Variants in NCOA3 observed in about 807,000 individuals in gnomAD.
NCOA3 encodes the protein nuclear receptor coactivator 3.
In NCOA3, 51 loss-of-function variants were observed where a neutral mutation model predicts 158.8. That is an observed-to-expected ratio of 0.32 (90% CI 0.26 to 0.41). NCOA3 has a LOEUF of 0.41. Ranked by LOEUF, NCOA3 falls within the 10% of genes least tolerant of loss-of-function variation. The probability of loss-of-function intolerance (pLI) is 1.00; values close to 1 mark genes in which losing one functional copy is unlikely to be tolerated. For synonymous variants in NCOA3, 537 were observed against 592.4 expected (o/e 0.91, Z 1.36); for missense variants, 1,510 against 1,746.6 (o/e 0.86, Z 2.41).
At chr20:47,604,294 T>C (rs1177645205) in intron 2 of NCOA3, among the ~76,000 whole-genome samples, 1 of 152,182 alleles carries the variant, frequency 6.6e-6, no homozygotes, top group African/African-American at 2.4e-5. Flanking sequence ...GAGATGTAAA[T>C]TTGGTAAGGT....
At chr20:47,518,726 A>G (rs1209021902) in intron 1 of NCOA3, among the ~76,000 whole-genome samples, 2 of 151,880 alleles carry the variant, frequency 1.3e-5, no homozygotes, top group Admixed American at 1.3e-4. Flanking sequence ...TGCCTGGCCA[A>G]TAGAGGATTT....
chr20:47,571,131 A>G (rs1388906440), intron 1 of NCOA3, among the ~76,000 whole-genome samples: 1 of 150,346 alleles, frequency 6.7e-6, no homozygotes, highest in African/African-American at 2.5e-5. Context: ...CAGTCTCCCA[A>G]GTAGCTGGGA....
At chr20:47,515,770 G>A (rs1200103935) in intron 1 of NCOA3, among the ~76,000 whole-genome samples, 1 of 152,138 alleles carries the variant, frequency 6.6e-6, no homozygotes, top group Non-Finnish European at 1.5e-5. Context: ...GTGAGCCACT[G>A]CCCTCAGCCT....
chr20:47,502,479 C>G (rs2083951546), intron 1 of NCOA3, among the ~76,000 whole-genome samples: 1 of 152,166 alleles, frequency 6.6e-6, no homozygotes, highest in Admixed American at 6.5e-5. Flanking sequence ...CCCCCCCACC[C>G]CAGCCTCCCA....
At chr20:47,618,207 C>T (rs910256004) in intron 2 of NCOA3, among the ~76,000 whole-genome samples, 5 of 152,148 alleles carry the variant, frequency 3.3e-5, no homozygotes, top group Non-Finnish European at 5.9e-5. Flanking sequence ...TGCACTCCAG[C>T]CTGGGTGACA....
intron 2 of NCOA3, among the ~76,000 whole-genome samples, chr20:47,619,850 C>T (rs1024227823): frequency 2.6e-5 from 4 of 151,988 alleles, no homozygotes; most frequent in African/African-American, 9.7e-5. Context: ...GCCTGGAGTG[C>T]AGTGGCGGGA....
At chr20:47,524,979 A>C (rs1441030567) in intron 1 of NCOA3, among the ~76,000 whole-genome samples, 2 of 147,746 alleles carry the variant, frequency 1.4e-5, no homozygotes. Flanking sequence ...TGTTTCTCGC[A>C]GAGGGGGATT....
chr20:47,592,269 T>C (rs964735088), intron 2 of NCOA3, among the ~76,000 whole-genome samples: 1 of 152,174 alleles, frequency 6.6e-6, no homozygotes, highest in East Asian at 1.9e-4. Context: ...GGTCTTGAAC[T>C]CCTGACCTCA....
At chr20:47,621,116 T>G (rs2086233344) in intron 2 of NCOA3, among the ~76,000 whole-genome samples, 1 of 152,218 alleles carries the variant, frequency 6.6e-6, no homozygotes, top group African/African-American at 2.4e-5. Flanking sequence ...CCTTTCCATT[T>G]TACAACCAAA....
At chr20:47,651,569 A>C (rs1404313897) in intron 20 of NCOA3, among the ~76,000 whole-genome samples, 1 of 152,202 alleles carries the variant, frequency 6.6e-6, no homozygotes, top group Non-Finnish European at 1.5e-5. Context: ...TGTATGTTCC[A>C]GTATAGTAGA....
intron 2 of NCOA3, among the ~76,000 whole-genome samples, chr20:47,607,805 C>T (rs1173440546): frequency 6.6e-6 from 1 of 152,082 alleles, no homozygotes; most frequent in Admixed American, 6.5e-5. Context: ...CTTCCTTTTA[C>T]AAGTACATGT....
chr20:47,546,387 GT>G (rs1471635419), intron 1 of NCOA3, among the ~76,000 whole-genome samples: 1 of 152,028 alleles, frequency 6.6e-6, no homozygotes, highest in Non-Finnish European at 1.5e-5. Context: ...TGTTAGTAAC[GT>G]AACAGCTGGA....
chr20:47,582,917 C>T (rs2085476835), intron 1 of NCOA3, among the ~76,000 whole-genome samples: 1 of 152,200 alleles, frequency 6.6e-6, no homozygotes, highest in Non-Finnish European at 1.5e-5. Context: ...GCTTCAACCT[C>T]CTGAGTAGTT....
chr20:47,507,331 C>T (rs913999571), intron 1 of NCOA3, among the ~76,000 whole-genome samples: 35 of 152,126 alleles, frequency 2.3e-4, no homozygotes, highest in African/African-American at 7.5e-4. Flanking sequence ...AACCTTCCAT[C>T]TTTAATGCTT....
chr20:47,537,318 G>A (rs1416764547), intron 1 of NCOA3, among the ~76,000 whole-genome samples: 1 of 151,068 alleles, frequency 6.6e-6, no homozygotes, highest in Non-Finnish European at 1.5e-5. Context: ...TATCAGAGAA[G>A]TAAATTGAGT....
chr20:47,614,264 C>A (rs2086095859), intron 2 of NCOA3, among the ~76,000 whole-genome samples: 1 of 152,092 alleles, frequency 6.6e-6, no homozygotes, highest in Non-Finnish European at 1.5e-5. Context: ...TAAGATTAAG[C>A]CCTTGTGTTA....
At chr20:47,584,314 T>C (rs1385676342) in intron 2 of NCOA3, among the ~76,000 whole-genome samples, 1 of 151,648 alleles carries the variant, frequency 6.6e-6, no homozygotes, top group Non-Finnish European at 1.5e-5. Context: ...AGTAAATAAA[T>C]AAATAATTAA....
At chr20:47,523,038 A>T (rs1455292169) in intron 1 of NCOA3, among the ~76,000 whole-genome samples, 1 of 151,748 alleles carries the variant, frequency 6.6e-6, no homozygotes, top group Non-Finnish European at 1.5e-5. Context: ...AAAATACAAA[A>T]AGCCAGGCGT....
chr20:47,518,734 T>C (rs1602332735), intron 1 of NCOA3, among the ~76,000 whole-genome samples: 2 of 152,002 alleles, frequency 1.3e-5, no homozygotes, highest in South Asian at 2.1e-4. Flanking sequence ...CAATAGAGGA[T>C]TTTTAAAGCT....
Sources: allele counts gnomAD v4.1 joint callset (sites outside exome capture counted in the v4.1 genomes callset), GRCh38; gene constraint gnomAD v4.1.1; transcripts MANE v1.5; gene names NCBI Gene and HGNC (gene_info 2026-07-23, HGNC 2026-07-21).